Variants in CREB1 observed in about 807,000 individuals in gnomAD.
CREB1 encodes cAMP responsive element binding protein 1.
A neutral mutation model predicts 42.0 loss-of-function variants in CREB1; 2 were observed. The ratio of observed to expected loss-of-function variants is 0.05; its 90% CI spans 0.02 to 0.15. The LOEUF is 0.15. Ranked by LOEUF, CREB1 falls within the 10% of genes least tolerant of loss-of-function variation. The pLI is 1.00. For missense variants in CREB1, 199 were observed against 388.9 expected (o/e 0.51, Z 4.11); for synonymous variants, 123 against 139.9 (o/e 0.88, Z 0.85).
At chr2:207,595,909 A>G (rs1186729592) in intron 7 of CREB1, among the ~76,000 whole-genome samples, 1 of 152,148 alleles carries the variant, frequency 6.6e-6, no homozygotes, top group Non-Finnish European at 1.5e-5. Context: ...TGATTTGCAG[A>G]TATTTCTTCT....
At chr2:207,577,176 A>C (rs1358566455) in intron 6 of CREB1, 16 of 1,083,284 alleles carry the variant, frequency 1.5e-5, no homozygotes, top group African/African-American at 3.3e-5. Flanking sequence ...ACTATACTCT[A>C]TCTAGGAAGA....
intron 1 of CREB1, among the ~76,000 whole-genome samples, chr2:207,553,580 G>A (rs1352215962): frequency 2.6e-5 from 4 of 152,022 alleles, no homozygotes; most frequent in African/African-American, 9.7e-5. Flanking sequence ...AAACAAAAAT[G>A]GTAATTTCAT....
chr2:207,580,623 C>A (rs986119357), intron 7 of CREB1: 1 of 217,764 alleles, frequency 4.6e-6, no homozygotes, highest in African/African-American at 2.2e-5. Context: ...AGATTGTAAT[C>A]CAAAAAATTC....
chr2:207,556,256 C>T (rs2081716329), intron 2 of CREB1, among the ~76,000 whole-genome samples: 2 of 152,096 alleles, frequency 1.3e-5, no homozygotes, highest in African/African-American at 4.8e-5. Flanking sequence ...TTCATTTCAT[C>T]TTTCTCTTTA....
intron 7 of CREB1, among the ~76,000 whole-genome samples, chr2:207,583,352 T>C (rs902830524): frequency 2.6e-5 from 4 of 152,206 alleles, no homozygotes; most frequent in African/African-American, 9.6e-5. Flanking sequence ...TTTAGACTTC[T>C]CTTTGCCTGT....
chr2:207,577,665 C>T lies in CREB1; in HGVS notation c.839+10C>T. 3 of 1,613,540 alleles carry T rather than the reference C, an allele frequency of 1.9e-6. No individual in the cohort carries two copies. The highest frequency in any genetic ancestry group is 1.1e-5 in the South Asian group (1 of 91,060). Reference sequence around the variant, plus strand: ...GTCTAATGAAGAACAGGTACAAATACTGCATTTACTTAGATTGTTATGTGT... The same window carrying T: ...GTCTAATGAAGAACAGGTACAAATATTGCATTTACTTAGATTGTTATGTGT... On this transcript the variant is annotated intron_variant, in intron 7 of 7. Coordinates refer to ENST00000353267, the MANE Select transcript of CREB1 (RefSeq NM_004379.5).
At chr2:207,560,103 CAG>C in intron 2 of CREB1, 121 bp from the exon 3 acceptor site, 4 of 753,424 alleles carry the variant, frequency 5.3e-6, no homozygotes, top group Non-Finnish European at 8.1e-6. Flanking sequence ...ACTTTCATAT[CAG>C]TGAAATACAT....
At chr2:207,549,425 C>G (rs1394658310) in intron 1 of CREB1, among the ~76,000 whole-genome samples, 2 of 151,380 alleles carry the variant, frequency 1.3e-5, no homozygotes, top group Non-Finnish European at 2.9e-5. Context: ...AACCCTCCCC[C>G]GCTTAAAAAA....
At chr2:207,544,543 G>T (rs2081226471) in intron 1 of CREB1, among the ~76,000 whole-genome samples, 1 of 152,190 alleles carries the variant, frequency 6.6e-6, no homozygotes, top group Non-Finnish European at 1.5e-5. Context: ...GCTCTTGAGA[G>T]AAAGGTTCTT....
intron 7 of CREB1, among the ~76,000 whole-genome samples, chr2:207,585,543 C>CA (rs1268810360): frequency 6.6e-6 from 1 of 152,052 alleles, no homozygotes; most frequent in Non-Finnish European, 1.5e-5. Context: ...ACGATACCTC[C>CA]AAAGGAACAC....
At chr2:207,547,033 C>T (rs1187607547) in intron 1 of CREB1, among the ~76,000 whole-genome samples, 1 of 152,116 alleles carries the variant, frequency 6.6e-6, no homozygotes, top group Non-Finnish European at 1.5e-5. Flanking sequence ...CTTGAACATT[C>T]CTTACAAATC....
chr2:207,597,891 G>T lies in CREB1; in HGVS notation c.*833G>T, dbSNP rs964320091. ...TAAATTCTTAGTAAAATGCTGATCAGTAAACCAATCCCTTGAGTTATATAA... is the reference window on the plus strand; with the variant it reads ...TAAATTCTTAGTAAAATGCTGATCATTAAACCAATCCCTTGAGTTATATAA... On this transcript the variant is annotated 3_prime_UTR_variant, in exon 8 of 8. Coordinates refer to ENST00000353267, the MANE Select transcript of CREB1 (RefSeq NM_004379.5). The T allele has an allele frequency of 1.1e-5, 2 of 188,182 alleles. No homozygotes were observed. Among genetic ancestry groups the T allele is most frequent in the Non-Finnish European group, 2.2e-5 (2 of 89,484 alleles). 11.7% of individuals were successfully genotyped at this position (188,182 alleles called of 1,614,324 possible). A position where few individuals can be genotyped will look rare whatever the true frequency, so the allele number is the denominator to read the frequency against.
intron 7 of CREB1, among the ~76,000 whole-genome samples, chr2:207,586,385 G>A (rs2083843750): frequency 1.3e-5 from 2 of 152,242 alleles, no homozygotes; most frequent in African/African-American, 4.8e-5. Flanking sequence ...AATGAAACTA[G>A]ATACCTATCA....
Position 207,575,357 on chromosome 2 carries a change from T to C in CREB1, c.591T>C (p.Asn197=). Residue 197 remains asparagine (N), a synonymous_variant, in exon 6 of 8, where the codon AAT becomes AAC. Coordinates refer to ENST00000353267, the MANE Select transcript of CREB1 (RefSeq NM_004379.5). ...GCCTGCAAACATTAACCATGACCAA[T>C]GCAGCAGCCACTCAGCCGGGTACTA... ...VQGLQTLTMT[N]AAATQPGTTI... is the part of the protein sequence containing the mutation. The C allele has an allele frequency of 1.2e-6, 2 of 1,614,152 alleles. No individual in the cohort carries two copies. Among genetic ancestry groups the C allele is most frequent in the Non-Finnish European group, 1.7e-6 (2 of 1,180,016 alleles).
At chr2:207,565,035 T>C (rs2082090102) in intron 3 of CREB1, among the ~76,000 whole-genome samples, 1 of 147,510 alleles carries the variant, frequency 6.8e-6, no homozygotes, top group East Asian at 1.9e-4. Context: ...GTGGGTCCAG[T>C]ATGTTTTTTT....
intron 7 of CREB1, among the ~76,000 whole-genome samples, chr2:207,590,179 T>C (rs897749150): frequency 2.7e-4 from 40 of 150,308 alleles, no homozygotes; most frequent in African/African-American, 9.5e-4. Context: ...AAGACATTGG[T>C]CCATTTCTTC....
intron 2 of CREB1, among the ~76,000 whole-genome samples, chr2:207,559,698 T>A (rs2081880639): frequency 6.6e-6 from 1 of 152,236 alleles, no homozygotes; most frequent in Non-Finnish European, 1.5e-5. Context: ...TTGCTTATGC[T>A]TGAGAGCAGT....
intron 7 of CREB1, among the ~76,000 whole-genome samples, chr2:207,586,070 T>C (rs1301980475): frequency 6.6e-6 from 1 of 152,128 alleles, no homozygotes; most frequent in Admixed American, 6.5e-5. Flanking sequence ...CACACTATTT[T>C]CAAACTCAAA....
chr2:207,571,692 C>A (rs781131302), intron 5 of CREB1: 7 of 452,012 alleles, frequency 1.5e-5, no homozygotes, highest in Non-Finnish European at 2.7e-5. Flanking sequence ...GATATGTGTT[C>A]GAAGACATTG....
Sources: gnomAD v4.1 joint callset for allele counts (sites outside exome capture counted in the v4.1 genomes callset) on GRCh38, gnomAD v4.1.1 for gene constraint, MANE v1.5 for transcripts, NCBI Gene and HGNC (gene_info 2026-07-23, HGNC 2026-07-21) for gene names.